The following CD44 variants were observed in gnomAD, a reference collection of about 807,000 sequenced individuals.
CD44 encodes CD44 antigen.
CD44 carries 49 observed loss-of-function variants against 88.8 expected under a neutral mutation model. The observed-to-expected ratio is 0.55, with a 90% CI of 0.44 to 0.70. The LOEUF (loss-of-function observed/expected upper bound fraction) is 0.70. Ranked by LOEUF, CD44 falls within the 30% of genes least tolerant of loss-of-function variation. The probability of loss-of-function intolerance (pLI) is 0.00; values close to 1 mark genes in which losing one functional copy is unlikely to be tolerated. For missense variants in CD44, 883 were observed against 913.8 expected (o/e 0.97, Z 0.43); for synonymous variants, 325 against 312.3 (o/e 1.04, Z -0.43).
intron 3 of CD44, among the ~76,000 whole-genome samples, chr11:35,182,995 G>A (rs535122478): frequency 6.6e-6 from 1 of 152,240 alleles, no homozygotes; most frequent in Admixed American, 6.5e-5. Context: ...TTGTTCATGA[G>A]GTTGGGCCCA....
At chr11:35,185,608 C>T (rs922567160) in intron 3 of CD44, among the ~76,000 whole-genome samples, 1 of 152,172 alleles carries the variant, frequency 6.6e-6, no homozygotes, top group African/African-American at 2.4e-5. Context: ...ATCCATCCAT[C>T]TCCATCCATC....
At position 35,198,155 on chromosome 11, in the gene CD44, G is replaced by A. The variant is rs370026708; in HGVS notation, c.831G>A (p.Glu277=). Residue 277 remains glutamate, a synonymous_variant, in exon 7 of 18, where the codon GAG becomes GAA. Transcript: ENST00000428726. ...CAAATACCATCTCAGCAGGCTGGGAGCCAAATGAAGAAAATGAAGATGAAA... is the reference window on the plus strand; with the variant it reads ...CAAATACCATCTCAGCAGGCTGGGAACCAAATGAAGAAAATGAAGATGAAA... The part of the protein sequence containing the change: ...TSSNTISAGW[E]PNEENEDERD... 7 of 1,613,844 alleles carry A rather than the reference G, an allele frequency of 4.3e-6. No individual in the cohort carries two copies. Among genetic ancestry groups the A allele is most frequent in the African/African-American group, 4.0e-5 (3 of 74,932 alleles).
rs562920282 is a variant in CD44, at chr11:35,196,493, A to T, written c.668-253A>T. Among the ~76,000 whole-genome samples, 7 of 150,670 alleles carry T rather than the reference A, an allele frequency of 4.6e-5. No individual in the cohort carries two copies. In the South Asian group the frequency reaches 8.5e-4, roughly 18 times the overall value. ...ACAGGTCAGAAGCTCTGTCCAGCAA[A>T]ATTTTTAAATCTTTAATATAAGGAG... On this transcript the variant is annotated intron_variant, in intron 5 of 17. Transcript: ENST00000428726.
At chr11:35,179,770 T>C (rs566592045) in intron 2 of CD44, among the ~76,000 whole-genome samples, 1 of 152,206 alleles carries the variant, frequency 6.6e-6, no homozygotes, top group South Asian at 2.1e-4. Flanking sequence ...ACAGGAAAAG[T>C]TGTGGCTGAG....
At chr11:35,187,989 G>A (rs888159088) in intron 4 of CD44, among the ~76,000 whole-genome samples, 2 of 152,158 alleles carry the variant, frequency 1.3e-5, no homozygotes, top group African/African-American at 4.8e-5. Context: ...ACAGGCATGA[G>A]CCACCATGCC....
chr11:35,179,755 G>A (rs546750543), intron 2 of CD44, among the ~76,000 whole-genome samples: 1 of 152,328 alleles, frequency 6.6e-6, no homozygotes, highest in East Asian at 1.9e-4. Context: ...GGAGTAAGGG[G>A]ACTCACAGGA....
intron 1 of CD44, among the ~76,000 whole-genome samples, chr11:35,164,329 G>C (rs1001273273): frequency 6.6e-6 from 1 of 152,194 alleles, no homozygotes; most frequent in African/African-American, 2.4e-5. Context: ...AGCCTCACTT[G>C]TTGCATCTGT....
rs772629451 is a variant in CD44 at position 35,198,250 on chromosome 11, A to G, written c.922+4A>G. ...GAAGATTTTATCTCCAGCACCAGTA[A>G]GAATAATCAATTACAGTACAGCCAT... On this transcript the variant is annotated splice_donor_region_variant and intron_variant, in intron 7 of 17. Coordinates refer to ENST00000428726, the MANE Select transcript of CD44 (RefSeq NM_000610.4). 15 of 1,613,762 alleles carry G rather than the reference A, an allele frequency of 9.3e-6. 1 individual carries two copies. The highest frequency in any genetic ancestry group is 1.3e-5 in the Non-Finnish European group (15 of 1,179,718).
intron 1 of CD44, among the ~76,000 whole-genome samples, chr11:35,163,686 G>A (rs1362712804): frequency 6.6e-6 from 1 of 152,106 alleles, no homozygotes; most frequent in African/African-American, 2.4e-5. Flanking sequence ...TGGTCTCATG[G>A]CTACTTCCTG....
At chr11:35,169,030 A>G (rs574848186) in intron 1 of CD44, among the ~76,000 whole-genome samples, 55 of 152,372 alleles carry the variant, frequency 3.6e-4, no homozygotes, top group African/African-American at 1.3e-3. Flanking sequence ...CATTTTAAGT[A>G]TCCAATAAGG....
chr11:35,213,026 G>T (rs976684185), intron 14 of CD44, among the ~76,000 whole-genome samples: 5 of 151,442 alleles, frequency 3.3e-5, no homozygotes, highest in Non-Finnish European at 7.4e-5. Context: ...GTTTCACCAT[G>T]TTGGCCAGGC....
intron 1 of CD44, among the ~76,000 whole-genome samples, chr11:35,152,013 G>A (rs747226461): frequency 3.3e-5 from 5 of 152,216 alleles, no homozygotes; most frequent in African/African-American, 4.8e-5. Context: ...TGCCTCACCC[G>A]TGGTGGCGAC....
At chr11:35,198,275 T>C in intron 7 of CD44, 29 bp downstream of exon 7, 1 of 1,606,590 alleles carries the variant, frequency 6.2e-7, no homozygotes, top group African/African-American at 1.3e-5. Flanking sequence ...AGTACAGCCA[T>C]TTATGCAAGG....
At chr11:35,186,738 A>T in intron 3 of CD44, 94 bp from the exon 4 acceptor site, 1 of 754,364 alleles carries the variant, frequency 1.3e-6, no homozygotes, top group Non-Finnish European at 2.4e-6. Context: ...GGAATAAGTT[A>T]TAGTAAAACT....
intron 1 of CD44, among the ~76,000 whole-genome samples, chr11:35,150,292 A>G (rs1021361295): frequency 6.6e-6 from 1 of 152,068 alleles, no homozygotes; most frequent in African/African-American, 2.4e-5. Context: ...AATCTAGGGG[A>G]AAAAAAGCTA....
chr11:35,220,206 G>T lies in CD44; in HGVS notation c.1945+819G>T, dbSNP rs150145334. Reference sequence around the variant, plus strand: ...TGAAGACAGACCAGACAGAGACAGGGGTGGGCTGTCCCAAGGGAGAGCACA... The same window carrying T: ...TGAAGACAGACCAGACAGAGACAGGTGTGGGCTGTCCCAAGGGAGAGCACA... On this transcript the variant is annotated intron_variant, in intron 16 of 17. Coordinates refer to ENST00000428726, the MANE Select transcript of CD44 (RefSeq NM_000610.4). Among the ~76,000 whole-genome samples, 4 of 152,130 alleles carry T rather than the reference G, an allele frequency of 2.6e-5. No individual in the cohort carries two copies. The East Asian group carries it at 7.7e-4, about 29-fold the overall frequency.
At chr11:35,146,787 T>G (rs905008557) in intron 1 of CD44, among the ~76,000 whole-genome samples, 1 of 152,238 alleles carries the variant, frequency 6.6e-6, no homozygotes, top group Non-Finnish European at 1.5e-5. Context: ...CGATTGTACC[T>G]GGAAGTACTG....
chr11:35,188,097 A>G (rs1436124614), intron 4 of CD44, among the ~76,000 whole-genome samples: 2 of 152,178 alleles, frequency 1.3e-5, no homozygotes, highest in Non-Finnish European at 2.9e-5. Context: ...AGCTTCATTT[A>G]ATGGGAAACA....
intron 3 of CD44, among the ~76,000 whole-genome samples, chr11:35,181,886 C>CACA (rs571884198): frequency 3.7e-5 from 2 of 53,816 alleles, no homozygotes; most frequent in African/African-American, 8.1e-5. Flanking sequence ...ATATATAATT[C>CACA]TATATATAAT....
Sources: gnomAD v4.1 joint callset for allele counts (sites outside exome capture counted in the v4.1 genomes callset) on GRCh38, gnomAD v4.1.1 for gene constraint, MANE v1.5 for transcripts, NCBI Gene and HGNC (gene_info 2026-07-23, HGNC 2026-07-21) for gene names.